The following HERC2 variants were observed in gnomAD, a reference collection of about 807,000 sequenced individuals.
HERC2 encodes the protein HECT and RLD domain containing E3 ubiquitin protein ligase 2, also known as E3 ubiquitin-protein ligase HERC2.
A neutral mutation model predicts 537.7 loss-of-function variants in HERC2; 102 were observed. That is an observed-to-expected ratio of 0.19 (90% CI 0.16 to 0.22). The LOEUF (loss-of-function observed/expected upper bound fraction) is 0.22. Among genes scored for constraint, HERC2 ranks in the 10% least tolerant of loss-of-function variants. The pLI, the probability that HERC2 is intolerant of heterozygous loss-of-function variation, is 1.00. For missense variants in HERC2, 4,236 were observed against 6,198.2 expected (o/e 0.68, Z 10.63); for synonymous variants, 2,224 against 2,466.2 (o/e 0.90, Z 2.91).
At chr15:28,275,886 A>C (rs2075858514) in intron 5 of HERC2, among the ~76,000 whole-genome samples, 1 of 152,206 alleles carries the variant, frequency 6.6e-6, no homozygotes, top group African/African-American at 2.4e-5. Flanking sequence ...CATGTTTCTA[A>C]TATTACAGTA....
chr15:28,172,244 C>T (rs1307152182), intron 65 of HERC2, among the ~76,000 whole-genome samples: 1 of 152,132 alleles, frequency 6.6e-6, no homozygotes, highest in Non-Finnish European at 1.5e-5. Flanking sequence ...ACATCAAAAT[C>T]CCAAGCAAAC....
At chr15:28,275,588 C>A (rs552254686) in intron 5 of HERC2, among the ~76,000 whole-genome samples, 1 of 152,296 alleles carries the variant, frequency 6.6e-6, no homozygotes, top group South Asian at 2.1e-4. Context: ...TTTCATTCTG[C>A]ATGTTCTAAA....
intron 2 of HERC2, among the ~76,000 whole-genome samples, chr15:28,310,735 C>T (rs1438682747): frequency 2.6e-5 from 4 of 152,050 alleles, no homozygotes; most frequent in African/African-American, 7.2e-5. Flanking sequence ...CGACATTTGA[C>T]CCGTGTCTTA....
chr15:28,306,675 T>C (rs531408677), intron 2 of HERC2, among the ~76,000 whole-genome samples: 3 of 152,352 alleles, frequency 2.0e-5, no homozygotes, highest in African/African-American at 7.2e-5. Flanking sequence ...TTTGGTAAAA[T>C]TCAGCAGTGA....
intron 4 of HERC2, among the ~76,000 whole-genome samples, chr15:28,286,002 A>G (rs1186734809): frequency 6.6e-6 from 1 of 152,044 alleles, no homozygotes; most frequent in African/African-American, 2.4e-5. Flanking sequence ...GAATAGCCCT[A>G]CCACTATCAA....
intron 55 of HERC2, among the ~76,000 whole-genome samples, chr15:28,190,030 C>T (rs1896687969): frequency 2.2e-5 from 3 of 137,080 alleles, no homozygotes; most frequent in African/African-American, 3.0e-5. Flanking sequence ...TTTTTTGAGA[C>T]AAGAGTCTGG....
chr15:28,123,597 C>T (rs780058229), intron 85 of HERC2, among the ~76,000 whole-genome samples: 4 of 152,188 alleles, frequency 2.6e-5, no homozygotes, highest in Non-Finnish European at 4.4e-5. Context: ...CACGGACCTT[C>T]GAGGTGATAT....
intron 48 of HERC2, among the ~76,000 whole-genome samples, chr15:28,201,032 C>T (rs906678821): frequency 1.1e-4 from 16 of 146,896 alleles, no homozygotes; most frequent in East Asian, 5.9e-4. Flanking sequence ...AACAGCCATC[C>T]CTGCGCCATG....
rs1162431093 is a variant in HERC2, at chr15:28,114,634, C to T, written c.13891G>A (p.Val4631Met). Residue 4631 changes from valine to methionine, a missense_variant, in exon 90 of 93, where the codon GTG becomes ATG. By Grantham distance (21) the Val-to-Met change is conservative. Around this residue, in one of 27 missense-constraint regions of HERC2, gnomAD observed 313 missense variants for 462.6 expected, o/e 0.68. Transcript: ENST00000261609. ...HITLDNRAEYVRLAINYRLHE... is the reference protein window; with the variant it reads ...HITLDNRAEYMRLAINYRLHE... ...AACCTATAGTTTATCGCCAGCCGCA[C>T]GTACTCCGCGCGGTTGTCCAGGGTG... The T allele has an allele frequency of 3.7e-6, 6 of 1,613,924 alleles. No homozygotes were observed. Among genetic ancestry groups the T allele is most frequent in the Non-Finnish European group, 5.1e-6 (6 of 1,179,994 alleles).
chr15:28,169,477 A>C lies in HERC2; in HGVS notation c.10229+7T>G. 6.4e-7 allele frequency: 1 copy of C among 1,560,196 alleles called. No homozygotes were observed. Among genetic ancestry groups the C allele is most frequent in the Non-Finnish European group, 8.7e-7 (1 of 1,151,778 alleles). ...GCAGAATTTCAAAAATTAGCACAGA[A>C]GCCTACCTGGCATACATGATTTGCA... On this transcript the variant is annotated splice_region_variant and intron_variant, in intron 66 of 92. Transcript: ENST00000261609.
chr15:28,148,096 A>C (rs1891959002), intron 70 of HERC2, among the ~76,000 whole-genome samples: 1 of 152,134 alleles, frequency 6.6e-6, no homozygotes, highest in South Asian at 2.1e-4. Flanking sequence ...ACAGGCAATA[A>C]AAGCAGGCCA....
intron 89 of HERC2, among the ~76,000 whole-genome samples, 192 bp from the exon 90 acceptor site, chr15:28,114,994 G>A (rs936010188): frequency 1.3e-5 from 2 of 151,856 alleles, no homozygotes; most frequent in African/African-American, 4.8e-5. Context: ...GGAGCTGAAC[G>A]AAGAATTCAC....
At chr15:28,321,520 A>G in intron 1 of HERC2, 56 bp from the exon 2 acceptor site, 4 of 904,480 alleles carry the variant, frequency 4.4e-6, no homozygotes, top group Non-Finnish European at 6.7e-6. Flanking sequence ...TTACAAAGAC[A>G]CTCCCGAAAG....
chr15:28,258,190 C>A (rs2075318339), intron 16 of HERC2, among the ~76,000 whole-genome samples: 1 of 152,004 alleles, frequency 6.6e-6, no homozygotes, highest in African/African-American at 2.4e-5. Context: ...ATGGGTCAGG[C>A]CGGGCGCAGT....
At chr15:28,129,990 G>A (rs1446304377) in intron 83 of HERC2, among the ~76,000 whole-genome samples, 173 bp downstream of exon 83, 2 of 152,090 alleles carry the variant, frequency 1.3e-5, no homozygotes, top group African/African-American at 4.8e-5. Flanking sequence ...GGCCAGGCTG[G>A]TCTCGATCTC....
At chr15:28,264,025 A>T (rs1261248560) in intron 14 of HERC2, among the ~76,000 whole-genome samples, 1 of 151,390 alleles carries the variant, frequency 6.6e-6, no homozygotes, top group Non-Finnish European at 1.5e-5. Context: ...TCTTACAAAA[A>T]AAAAAAAAAA....
intron 37 of HERC2, among the ~76,000 whole-genome samples, chr15:28,219,343 G>A (rs1332789961): frequency 6.6e-6 from 1 of 152,230 alleles, no homozygotes; most frequent in African/African-American, 2.4e-5. Context: ...CCCAGGCTCT[G>A]ATGCCTCTGT....
At chr15:28,320,885 G>A (rs376964632) in intron 2 of HERC2, among the ~76,000 whole-genome samples, 2 of 151,974 alleles carry the variant, frequency 1.3e-5, no homozygotes, top group African/African-American at 4.8e-5. Flanking sequence ...GAGTTACAAA[G>A]ACAAAACAAA....
At position 28,255,948 on chromosome 15, in the gene HERC2, T is replaced by G. The variant is rs1318263872; in HGVS notation, c.2795A>C (p.Asp932Ala). 1 of 1,605,920 alleles carries G rather than the reference T, an allele frequency of 6.2e-7. No individual in the cohort carries two copies. The highest frequency in any genetic ancestry group is 2.2e-5 in the East Asian group (1 of 44,874). Residue 932 changes from aspartate (D) to alanine (A), a missense_variant, in exon 19 of 93, where the codon GAT (aspartate) becomes GCT (alanine). Physicochemically the swap from Asp to Ala is moderately radical, Grantham distance 126. Around this residue, in one of 27 missense-constraint regions of HERC2, gnomAD observed 754 missense variants for 1,085.0 expected, o/e 0.69. Coordinates refer to ENST00000261609, the MANE Select transcript of HERC2 (RefSeq NM_004667.6). Reference protein sequence around the residue: ...NISPGRRFMIDLLVGSLMADG... With the variant: ...NISPGRRFMIALLVGSLMADG... ...AGCCATCAAGCTGCCCACCAGAAGA[T>G]CAATCATGAATCGACGACCTGGACT...
Sources: allele counts gnomAD v4.1 joint callset (sites outside exome capture counted in the v4.1 genomes callset), GRCh38; gene constraint gnomAD v4.1.1; regional missense constraint gnomAD v4.1.1; transcripts MANE v1.5; gene names NCBI Gene and HGNC (gene_info 2026-07-23, HGNC 2026-07-21).